Variants in OSBPL2 observed in about 807,000 individuals in gnomAD.
OSBPL2 encodes oxysterol-binding protein-related protein 2.
Under a neutral mutation model 58.4 loss-of-function variants are expected in OSBPL2, and 18 were observed. The observed-to-expected ratio is 0.31, with a 90% CI of 0.21 to 0.46. The LOEUF is 0.46. Among genes scored for constraint, OSBPL2 ranks in the 20% least tolerant of loss-of-function variants. The probability of loss-of-function intolerance (pLI) is 1.00; values close to 1 mark genes in which losing one functional copy is unlikely to be tolerated. For synonymous variants in OSBPL2, 221 were observed against 234.1 expected, an observed-to-expected ratio of 0.94 and a Z score of 0.51; for missense variants, 461 against 616.5, an observed-to-expected ratio of 0.75 and a Z score of 2.67.
At chr20:62,283,649 C>G (rs1001448650) in intron 9 of OSBPL2, among the ~76,000 whole-genome samples, 3 of 152,148 alleles carry the variant, frequency 2.0e-5, no homozygotes, top group African/African-American at 7.2e-5. Flanking sequence ...GATCAGTGGG[C>G]GCATGCAGCT....
intron 1 of OSBPL2, among the ~76,000 whole-genome samples, chr20:62,241,038 G>A (rs977405743): frequency 3.3e-5 from 5 of 152,170 alleles, no homozygotes; most frequent in African/African-American, 9.7e-5. Flanking sequence ...CCTCGAGTGC[G>A]TTGAGAGGGT....
At chr20:62,256,326 T>G (rs901194317) in intron 2 of OSBPL2, 105 bp downstream of exon 2, 3 of 987,504 alleles carry the variant, frequency 3.0e-6, no homozygotes, top group South Asian at 2.9e-5. Flanking sequence ...AGTAAAGCAG[T>G]GTGTGGGTGA....
intron 3 of OSBPL2, among the ~76,000 whole-genome samples, chr20:62,260,715 C>T (rs1013065512): frequency 2.6e-5 from 4 of 152,104 alleles, no homozygotes; most frequent in Non-Finnish European, 4.4e-5. Flanking sequence ...TGGCTGGTCG[C>T]GGTGGCTCAT....
At chr20:62,265,831 C>T (rs1981627341) in intron 4 of OSBPL2, among the ~76,000 whole-genome samples, 1 of 152,198 alleles carries the variant, frequency 6.6e-6, no homozygotes, top group South Asian at 2.1e-4. Flanking sequence ...TTTTGACTCT[C>T]TTAAATTCTG....
chr20:62,286,733 G>T (rs1290406477), intron 11 of OSBPL2, 22 bp downstream of exon 11: 6 of 1,598,658 alleles, frequency 3.8e-6, no homozygotes, highest in South Asian at 1.1e-5. Flanking sequence ...TCCATGGCCT[G>T]ACGTCTCTGC....
At chr20:62,277,603 A>G (rs994428260) in intron 6 of OSBPL2, among the ~76,000 whole-genome samples, 1 of 152,250 alleles carries the variant, frequency 6.6e-6, no homozygotes, top group Non-Finnish European at 1.5e-5. Flanking sequence ...ATCCCTACAG[A>G]TCCCTTGTTA....
intron 4 of OSBPL2, among the ~76,000 whole-genome samples, chr20:62,268,455 C>G (rs1457571659): frequency 6.6e-6 from 1 of 152,164 alleles, no homozygotes; most frequent in Non-Finnish European, 1.5e-5. Context: ...TAGGGCATGT[C>G]TTTCATGCGT....
intron 13 of OSBPL2, among the ~76,000 whole-genome samples, chr20:62,292,440 C>A (rs6062197): frequency 1.3e-5 from 2 of 152,206 alleles, no homozygotes; most frequent in Non-Finnish European, 2.9e-5. Context: ...GAGGCTGGGA[C>A]GGTGGCATGG....
chr20:62,271,158 C>T (rs760340700), intron 4 of OSBPL2, among the ~76,000 whole-genome samples: 3 of 152,170 alleles, frequency 2.0e-5, no homozygotes, highest in Non-Finnish European at 4.4e-5. Context: ...GGAATGCCTA[C>T]TGCCCTTGGG....
intron 8 of OSBPL2, 71 bp downstream of exon 8, chr20:62,281,236 C>T: frequency 2.7e-6 from 3 of 1,115,898 alleles, no homozygotes; most frequent in Admixed American, 1.7e-5. Flanking sequence ...GGAGCGTGAG[C>T]ATCCGTGCTC....
rs2274938 is a variant in OSBPL2 at position 62,281,978 on chromosome 20, G to A, written c.872+99G>A. On this transcript the variant is annotated intron_variant, in intron 9 of 13. Coordinates refer to ENST00000313733, the MANE Select transcript of OSBPL2 (RefSeq NM_144498.4). ...TGGGCCTGCGTGTGCCTACGTGCAT[G>A]AGACGCGGGTACACCAGTGCCATCT... 0.44 allele frequency: 310,253 copies of A among 711,764 alleles called. 70,871 individuals carry two copies. The highest frequency in any genetic ancestry group is 0.54 in the East Asian group (20,437 of 37,912). The allele number at this position is 711,764 out of a possible 1,614,324, so 44.1% of individuals were successfully genotyped here. A position where few individuals can be genotyped will look rare whatever the true frequency, so the allele number is the denominator to read the frequency against.
intron 10 of OSBPL2, chr20:62,285,265 T>C: frequency 6.6e-6 from 1 of 152,248 alleles, no homozygotes; most frequent in South Asian, 2.1e-4. Context: ...TAAATCCATT[T>C]AGCGATGTCT....
At position 62,269,463 on chromosome 20, in the gene OSBPL2, A is replaced by C. The variant is rs983627981; in HGVS notation, c.259-2662A>C. ...CCCTCGTGGGGCTGCATCACTGTGC[A>C]TTTCCACAGCAGCCGGGGGGCTTTC... On this transcript the variant is annotated intron_variant, in intron 4 of 13. Transcript: ENST00000313733. This position sits in a 1 kb window ranked among gnomAD's most constrained non-coding sequence, Gnocchi z 4.2. Among the ~76,000 whole-genome samples the C allele has an allele frequency of 5.3e-5, 8 of 152,154 alleles. No homozygotes were observed. Among genetic ancestry groups the C allele is most frequent in the Non-Finnish European group, 1.0e-4 (7 of 68,030 alleles).
chr20:62,247,086 G>T (rs934501187), intron 1 of OSBPL2, among the ~76,000 whole-genome samples: 1 of 152,206 alleles, frequency 6.6e-6, no homozygotes, highest in Admixed American at 6.5e-5. Context: ...CTCCTTGGCC[G>T]GCCCCAGCCT....
At chr20:62,265,456 T>C (rs1473128241) in intron 4 of OSBPL2, among the ~76,000 whole-genome samples, 1 of 152,230 alleles carries the variant, frequency 6.6e-6, no homozygotes, top group African/African-American at 2.4e-5. Flanking sequence ...CTAGTTCAGC[T>C]TATATTTTCC....
chr20:62,286,159 A>G (rs1051444704), intron 10 of OSBPL2: 2 of 174,420 alleles, frequency 1.1e-5, no homozygotes, highest in Non-Finnish European at 2.5e-5. Context: ...TTAGTTTAAG[A>G]AAAAAAAGGC....
chr20:62,242,345 T>C (rs1488791606), intron 1 of OSBPL2: 3 of 152,242 alleles, frequency 2.0e-5, no homozygotes, highest in African/African-American at 7.2e-5. Context: ...TTGGGATCAT[T>C]CAGCAGAATG....
chr20:62,274,402 C>G lies in OSBPL2; in HGVS notation c.491+996C>G, dbSNP rs117045061. Among the ~76,000 whole-genome samples the G allele has an allele frequency of 6.9e-3, 1,057 of 152,252 alleles. 6 individuals carry two copies. Among genetic ancestry groups the G allele is most frequent in the Non-Finnish European group, 0.012 (787 of 68,018 alleles). The stretch of plus-strand genomic sequence containing the variant: ...TTCCTTCAGGGCCGTTTGGTGATGT[C>G]TAAAATGATTTTTATTCCACTGCCC... On this transcript the variant is annotated intron_variant, in intron 6 of 13. Transcript: ENST00000313733.
Position 62,286,631 on chromosome 20 carries a change from G to A in OSBPL2, c.1045G>A (p.Val349Met), listed in dbSNP as rs757960108. 4.0e-5 allele frequency: 65 copies of A among 1,613,788 alleles called. 2 individuals carry two copies. In the South Asian group the frequency reaches 6.0e-4, roughly 15 times the overall value. ...ADSDVADDVPVAQETVQVIPG... is the reference protein window; with the variant it reads ...ADSDVADDVPMAQETVQVIPG... ...CAGCGACGTGGCTGACGACGTGCCTGTGGCCCAGGAGACCGTGCAGGTCAT... is the reference window on the plus strand; with the variant it reads ...CAGCGACGTGGCTGACGACGTGCCTATGGCCCAGGAGACCGTGCAGGTCAT... Residue 349 changes from valine to methionine, a missense_variant, in exon 11 of 14, where the codon GTG becomes ATG. This residue lies in a region of OSBPL2 where 319 missense variants were observed against 419.2 expected (regional missense o/e 0.76). Transcript: ENST00000313733.
Sources: allele counts gnomAD v4.1 joint callset (sites outside exome capture counted in the v4.1 genomes callset), GRCh38; gene constraint gnomAD v4.1.1; regional missense constraint gnomAD v4.1.1; non-coding constraint Gnocchi (gnomAD v3.1); transcripts MANE v1.5; gene names NCBI Gene and HGNC (gene_info 2026-07-23, HGNC 2026-07-21).